Variants in GPCPD1 observed in about 807,000 individuals in gnomAD.
The protein encoded by GPCPD1 is glycerophosphocholine phosphodiesterase 1.
In GPCPD1, 29 loss-of-function variants were observed where a neutral mutation model predicts 89.2. The observed-to-expected ratio is 0.33, with a 90% CI of 0.24 to 0.44. The LOEUF (loss-of-function observed/expected upper bound fraction) is 0.44. GPCPD1 is among the 20% of genes least tolerant of loss of function. The probability of loss-of-function intolerance (pLI) is 1.00; values close to 1 mark genes in which losing one functional copy is unlikely to be tolerated. For missense variants in GPCPD1, 594 were observed against 808.9 expected, an observed-to-expected ratio of 0.73 and a Z score of 3.22; for synonymous variants, 258 against 266.3, an observed-to-expected ratio of 0.97 and a Z score of 0.30.
At chr20:5,606,989 T>C (rs1437255385) in intron 1 of GPCPD1, among the ~76,000 whole-genome samples, 2 of 152,220 alleles carry the variant, frequency 1.3e-5, no homozygotes, top group Non-Finnish European at 2.9e-5. Flanking sequence ...ACTACACTAG[T>C]GCAAACCTTC....
At position 5,609,323 on chromosome 20, in the gene GPCPD1, C is replaced by T. The variant is rs1180940453; in HGVS notation, c.-29+1519G>A. Among the ~76,000 whole-genome samples the T allele has an allele frequency of 5.3e-5, 8 of 152,274 alleles. 1 individual carries two copies. The highest frequency in any genetic ancestry group is 2.6e-4 in the Admixed American group (4 of 15,290). ...TGCTCATCTTGGTGAAGGATCATTA[C>T]GACCCTTGCTACATTTCTGACAAGT... On this transcript the variant is annotated intron_variant, in intron 1 of 19. Transcript: ENST00000379019.
intron 13 of GPCPD1, among the ~76,000 whole-genome samples, chr20:5,567,034 A>G (rs895872734): frequency 1.3e-4 from 20 of 152,238 alleles, no homozygotes; most frequent in African/African-American, 4.6e-4. Flanking sequence ...GCATTTATTT[A>G]GGTTCCTAAT....
intron 5 of GPCPD1, chr20:5,584,524 C>T (rs1978776028): frequency 8.4e-6 from 3 of 358,986 alleles, no homozygotes; most frequent in Non-Finnish European, 1.0e-5. Context: ...ATGGTTCTTA[C>T]ATACTTCGTT....
chr20:5,567,908 TG>T (rs1402646373), intron 12 of GPCPD1: 1 of 174,314 alleles, frequency 5.7e-6, no homozygotes, highest in Non-Finnish European at 1.2e-5. Context: ...ACATTTTCTT[TG>T]ATACTTATCC....
chr20:5,569,768 G>A (rs997617600), intron 12 of GPCPD1, among the ~76,000 whole-genome samples: 1 of 152,162 alleles, frequency 6.6e-6, no homozygotes, highest in Non-Finnish European at 1.5e-5. Flanking sequence ...TTTTCACTGT[G>A]GCTCACTAGC....
In GPCPD1 at chr20:5,598,781, T is replaced by C. The variant is rs766944253; in HGVS notation, c.90A>G (p.Gly30=). 3.1e-6 allele frequency: 5 copies of C among 1,613,382 alleles called. No homozygotes were observed. The South Asian group carries it at 5.5e-5, about 18-fold the overall frequency. Residue 30 remains glycine, a synonymous_variant, in exon 3 of 20, where the codon GGA becomes GGG. Transcript: ENST00000379019. ...FAICGSCDAL[G]NWNPQNAVAL... ...CCACAGCATTTTGAGGATTCCAGTT[T>C]CCCAAAGCATCACAGCTTCCACATA...
Position 5,610,862 on chromosome 20 carries a change from A to G in GPCPD1, c.-49T>C, listed in dbSNP as rs1980928984. 6.6e-6 allele frequency: 1 copy of G among 151,430 alleles called. No homozygotes were observed. The highest frequency in any genetic ancestry group is 2.4e-5 in the African/African-American group (1 of 41,310). The allele number at this position is 151,430 out of a possible 1,614,324, so 9.4% of individuals were successfully genotyped here. On this transcript the variant is annotated 5_prime_UTR_variant, in exon 1 of 20. Transcript: ENST00000379019. Reference sequence around the variant, plus strand: ...CTCACCTCCGGGTTCGCTAGTCCGCAGGTCCGCGTCGCCGCCGCCCCGCCC... The same window carrying G: ...CTCACCTCCGGGTTCGCTAGTCCGCGGGTCCGCGTCGCCGCCGCCCCGCCC...
chr20:5,609,436 G>A (rs1189018007), intron 1 of GPCPD1, among the ~76,000 whole-genome samples: 1 of 152,104 alleles, frequency 6.6e-6, no homozygotes, highest in African/African-American at 2.4e-5. Context: ...TTTAAAAAGT[G>A]TTTCTGGAAT....
chr20:5,598,916 C>T, intron 2 of GPCPD1, 95 bp from the exon 3 acceptor site: 1 of 773,028 alleles, frequency 1.3e-6, no homozygotes, highest in Middle Eastern at 2.3e-4. Context: ...AGATATGCTG[C>T]CCCCTTTAGC....
At chr20:5,577,635 C>T (rs1343245565) in intron 8 of GPCPD1, among the ~76,000 whole-genome samples, 1 of 152,040 alleles carries the variant, frequency 6.6e-6, no homozygotes, top group African/African-American at 2.4e-5. Flanking sequence ...CTGTTGTTCT[C>T]AAGAAACTGG....
intron 11 of GPCPD1, among the ~76,000 whole-genome samples, chr20:5,571,341 T>C (rs1258523834): frequency 6.6e-6 from 1 of 152,254 alleles, no homozygotes; most frequent in Non-Finnish European, 1.5e-5. Context: ...TTTTAAGTTG[T>C]AGCTTTCTAA....
At chr20:5,580,229 CTTT>C in intron 6 of GPCPD1, 98 bp from the exon 7 acceptor site, 3 of 493,748 alleles carry the variant, frequency 6.1e-6, no homozygotes, top group East Asian at 3.7e-5. Flanking sequence ...TTCACATTCA[CTTT>C]TTTTTTTTAA....
intron 8 of GPCPD1, 84 bp from the exon 9 acceptor site, chr20:5,576,062 GAC>G (rs1302531764): frequency 4.0e-4 from 198 of 497,664 alleles, no homozygotes; most frequent in South Asian, 8.1e-4. Context: ...CACACACACA[GAC>G]ACACACACAC....
Position 5,565,027 on chromosome 20 carries a change from G to T in GPCPD1, c.1319C>A (p.Ser440Tyr). The T allele has an allele frequency of 6.7e-7, 1 of 1,496,932 alleles. No individual in the cohort carries two copies. Among genetic ancestry groups the T allele is most frequent in the Non-Finnish European group, 9.3e-7 (1 of 1,073,626 alleles). 92.7% of individuals were successfully genotyped at this position (1,496,932 alleles called of 1,614,324 possible). A position where few individuals can be genotyped will look rare whatever the true frequency, so the allele number is the denominator to read the frequency against. ...NSFSENQPFP[S>Y]LKMVLESLPE... ...TCCTCAATAACTTACCATCTTAAGA[G>T]AAGGAAATGGCTGATTTTCTGAAAA... The change falls in exon 15 of 20, where the codon TCT (serine) becomes TAT (tyrosine). Residue 440 changes from serine to tyrosine, a missense_variant. By Grantham distance (144) the Ser-to-Tyr change is moderately radical. Coordinates refer to ENST00000379019, the MANE Select transcript of GPCPD1 (RefSeq NM_019593.5).
Position 5,575,997 on chromosome 20 carries a change from A to T in GPCPD1, c.706-19T>A. 3 of 1,482,596 alleles carry T rather than the reference A, an allele frequency of 2.0e-6. No individual in the cohort carries two copies. The Admixed American group carries it at 5.3e-5, about 26-fold the overall frequency. The allele number at this position is 1,482,596 out of a possible 1,614,324, so 91.8% of individuals were successfully genotyped here. A position where few individuals can be genotyped will look rare whatever the true frequency, so the allele number is the denominator to read the frequency against. Reference sequence around the variant, plus strand: ...GATCTTCCTGAAAAAATGAGATTTAAAATAATCTTAATTTTTAAACTTCTA... The same window carrying T: ...GATCTTCCTGAAAAAATGAGATTTATAATAATCTTAATTTTTAAACTTCTA... On this transcript the variant is annotated intron_variant, in intron 8 of 19. Coordinates refer to ENST00000379019, the MANE Select transcript of GPCPD1 (RefSeq NM_019593.5).
At chr20:5,596,750 T>C (rs1204120214) in intron 3 of GPCPD1, among the ~76,000 whole-genome samples, 1 of 152,220 alleles carries the variant, frequency 6.6e-6, no homozygotes, top group African/African-American at 2.4e-5. Context: ...CAGACTTAGA[T>C]GCAGAGCACA....
intron 2 of GPCPD1, among the ~76,000 whole-genome samples, chr20:5,603,746 C>CT (rs1181802350): frequency 0.026 from 3,534 of 135,392 alleles, 62 homozygotes; most frequent in African/African-American, 0.049. Context: ...CCAACTTATT[C>CT]TTTTTTTTTT....
chr20:5,589,393 C>T (rs1979165248), intron 4 of GPCPD1, among the ~76,000 whole-genome samples: 1 of 152,180 alleles, frequency 6.6e-6, no homozygotes, highest in Non-Finnish European at 1.5e-5. Flanking sequence ...GGGTGGATCA[C>T]CTGAGGTCGG....
chr20:5,558,191 A>G lies in GPCPD1; in HGVS notation c.1669-86T>C, dbSNP rs1212882257. 18 of 729,938 alleles carry G rather than the reference A, an allele frequency of 2.5e-5. No individual in the cohort carries two copies. In the South Asian group the frequency reaches 3.4e-4, roughly 14 times the overall value. The allele number at this position is 729,938 out of a possible 1,614,324, so 45.2% of individuals were successfully genotyped here. On this transcript the variant is annotated intron_variant, in intron 18 of 19. Transcript: ENST00000379019. Reference sequence around the variant, plus strand: ...CACACTCTAAATCAGTGCTCTCCAAAGTACAGCAGGCGGGAAAAGAAAATG... The same window carrying G: ...CACACTCTAAATCAGTGCTCTCCAAGGTACAGCAGGCGGGAAAAGAAAATG...
Sources: gnomAD v4.1 joint callset for allele counts (sites outside exome capture counted in the v4.1 genomes callset) on GRCh38, gnomAD v4.1.1 for gene constraint, MANE v1.5 for transcripts, NCBI Gene and HGNC (gene_info 2026-07-23, HGNC 2026-07-21) for gene names.